Variants in TMCC1 observed in about 807,000 individuals in gnomAD.
TMCC1 encodes the protein transmembrane and coiled-coil domains protein 1.
In TMCC1, 15 loss-of-function variants were observed where a neutral mutation model predicts 52.4. The observed-to-expected ratio is 0.29, with a 90% confidence interval of 0.19 to 0.44. TMCC1 has a LOEUF of 0.44. TMCC1 is among the 20% of genes least tolerant of loss of function. TMCC1 has a pLI of 1.00. For synonymous variants in TMCC1, 279 were observed against 301.9 expected, an observed-to-expected ratio of 0.92 and a Z score of 0.79; for missense variants, 503 against 806.0, an observed-to-expected ratio of 0.62 and a Z score of 4.55.
chr3:129,783,127 C>T lies in TMCC1; in HGVS notation c.576+44676G>A, dbSNP rs917235495. Among the ~76,000 whole-genome samples the T allele has an allele frequency of 2.6e-5, 4 of 152,152 alleles. No homozygotes were observed. The East Asian group carries it at 7.7e-4, about 29-fold the overall frequency. On this transcript the variant is annotated intron_variant, in intron 4 of 6. Transcript: ENST00000393238. ...TTAGTTGGGTTAGGTATGTCAGACC[C>T]AGGGACAGCTCAAGTATTGTGTCAC...
intron 4 of TMCC1, chr3:129,688,269 A>G (rs1052220227): frequency 4.1e-6 from 4 of 985,188 alleles, no homozygotes; most frequent in Non-Finnish European, 3.6e-6. Context: ...ATGGTAAAAA[A>G]AAAAAAATCA....
intron 4 of TMCC1, among the ~76,000 whole-genome samples, chr3:129,742,733 TA>T (rs1274046298): frequency 6.6e-6 from 1 of 152,222 alleles, no homozygotes; most frequent in Admixed American, 6.5e-5. Context: ...GCGTTATTCA[TA>T]CTGTCCAAAA....
chr3:129,679,994 T>C (rs7639350), intron 4 of TMCC1, among the ~76,000 whole-genome samples: 14,079 of 152,186 alleles, frequency 0.093, 2,154 homozygotes, highest in African/African-American at 0.32. Context: ...CAGGATCTTA[T>C]TGCATCAGAG....
At chr3:129,709,419 T>C (rs988923556) in intron 4 of TMCC1, among the ~76,000 whole-genome samples, 1 of 132,884 alleles carries the variant, frequency 7.5e-6, no homozygotes, top group Non-Finnish European at 1.5e-5. Context: ...CAGGCTGTGG[T>C]GAGCTGAGAT....
At chr3:129,834,444 A>G (rs2059063857) in intron 2 of TMCC1, among the ~76,000 whole-genome samples, 1 of 152,188 alleles carries the variant, frequency 6.6e-6, no homozygotes, top group Non-Finnish European at 1.5e-5. Flanking sequence ...AACAACCCAC[A>G]AGACAAGGGG....
intron 4 of TMCC1, among the ~76,000 whole-genome samples, chr3:129,715,875 T>C (rs972032175): frequency 6.6e-6 from 1 of 152,206 alleles, no homozygotes; most frequent in African/African-American, 2.4e-5. Context: ...AAAGTGTTTC[T>C]GTAACTGAGT....
rs114044014 is a variant in TMCC1 at position 129,810,084 on chromosome 3, C to A, written c.576+17719G>T. ...CTATGAGCAAAAATCAGGCTGGATG[C>A]GGTAGCTCACACCTGTAATCCCAGC... On this transcript the variant is annotated intron_variant, in intron 4 of 6. Coordinates refer to ENST00000393238, the MANE Select transcript of TMCC1 (RefSeq NM_001017395.5). 6.0e-4 allele frequency among the ~76,000 whole-genome samples: 92 copies of A among 152,224 alleles called. No homozygotes were observed. In the East Asian group the frequency reaches 0.017, roughly 28 times the overall value.
chr3:129,791,502 C>G (rs2056462009), intron 4 of TMCC1, among the ~76,000 whole-genome samples: 1 of 152,152 alleles, frequency 6.6e-6, no homozygotes, highest in Non-Finnish European at 1.5e-5. Context: ...AATGACTTAA[C>G]TTCTCTGAAA....
chr3:129,840,724 G>A (rs866865611), intron 2 of TMCC1, among the ~76,000 whole-genome samples: 7 of 152,188 alleles, frequency 4.6e-5, no homozygotes, highest in Non-Finnish European at 8.8e-5. Context: ...CTGCTGCCAT[G>A]TAAGACATGC....
In TMCC1 at chr3:129,737,363, C is replaced by T. The variant is rs575224792; in HGVS notation, c.577-66099G>A. ...GGGCGTGGTGGCACACACCTGTAAT[C>T]GCAGCTACTCAGGAGACTGAAACAG... On this transcript the variant is annotated intron_variant, in intron 4 of 6. Coordinates refer to ENST00000393238, the MANE Select transcript of TMCC1 (RefSeq NM_001017395.5). Among the ~76,000 whole-genome samples, 87 of 152,170 alleles carry T rather than the reference C, an allele frequency of 5.7e-4. 1 individual carries two copies. Among genetic ancestry groups the T allele is most frequent in the African/African-American group, 1.2e-3 (49 of 41,520 alleles).
chr3:129,758,612 G>C (rs1432569756), intron 4 of TMCC1, among the ~76,000 whole-genome samples: 1 of 152,154 alleles, frequency 6.6e-6, no homozygotes, highest in Admixed American at 6.5e-5. Flanking sequence ...CATAAAGTTA[G>C]TTTCCAAATT....
chr3:129,701,680 A>C (rs2047848185), intron 4 of TMCC1, among the ~76,000 whole-genome samples: 1 of 152,240 alleles, frequency 6.6e-6, no homozygotes, highest in Non-Finnish European at 1.5e-5. Flanking sequence ...ACTGACCTTC[A>C]GACACTAAAT....
At position 129,889,165 on chromosome 3, in the gene TMCC1, C is replaced by T. The variant is rs192256870; in HGVS notation, c.-435+4329G>A. Among the ~76,000 whole-genome samples the T allele has an allele frequency of 1.6e-4, 25 of 152,058 alleles. No homozygotes were observed. In the East Asian group the frequency reaches 4.3e-3, roughly 26 times the overall value. On this transcript the variant is annotated intron_variant, in intron 1 of 6. Transcript: ENST00000393238. ...CACACATCTCTGGGCCCAGCTACTC[C>T]GGACATTGAGGTCAGAGGATCACTT...
intron 2 of TMCC1, among the ~76,000 whole-genome samples, chr3:129,851,986 C>A (rs188334904): frequency 5.6e-4 from 85 of 151,782 alleles, no homozygotes; most frequent in African/African-American, 2.0e-3. Context: ...CTTGTCTCCA[C>A]TAAAAATTCA....
intron 2 of TMCC1, among the ~76,000 whole-genome samples, chr3:129,844,932 C>G (rs1342358986): frequency 6.6e-6 from 1 of 152,116 alleles, no homozygotes; most frequent in Non-Finnish European, 1.5e-5. Flanking sequence ...GTCAGTATAT[C>G]TAGAGGACAA....
intron 2 of TMCC1, chr3:129,848,236 C>T (rs1190043940): frequency 6.6e-6 from 1 of 152,158 alleles, no homozygotes; most frequent in Non-Finnish European, 1.5e-5. Context: ...TTGCCTACCC[C>T]AAGGTCACTA....
intron 3 of TMCC1, among the ~76,000 whole-genome samples, chr3:129,831,023 C>A (rs2058884436): frequency 6.6e-6 from 1 of 152,138 alleles, no homozygotes; most frequent in Non-Finnish European, 1.5e-5. Context: ...CAGCCTCTGC[C>A]TCCTGGGTTC....
In TMCC1 at chr3:129,650,463, G is replaced by A. The variant is rs2086256000; in HGVS notation, c.*1018C>T. ...GTTTAAACTGCATCTCAAAACAAAG[G>A]CGGCAGAGGGCAGCATTTACAGCAA... On this transcript the variant is annotated 3_prime_UTR_variant, in exon 7 of 7. Transcript: ENST00000393238. 2 of 152,586 alleles carry A rather than the reference G, an allele frequency of 1.3e-5. No individual in the cohort carries two copies. Among genetic ancestry groups the A allele is most frequent in the East Asian group, 1.9e-4 (1 of 5,184 alleles). 9.5% of individuals were successfully genotyped at this position (152,586 alleles called of 1,614,324 possible). A position where few individuals can be genotyped will look rare whatever the true frequency, so the allele number is the denominator to read the frequency against.
At chr3:129,792,189 CAT>C (rs35333957) in intron 4 of TMCC1, among the ~76,000 whole-genome samples, 53 of 139,846 alleles carry the variant, frequency 3.8e-4, no homozygotes, top group Non-Finnish European at 6.1e-4. Flanking sequence ...TATATATATA[CAT>C]ATATATATAT....
Sources: gnomAD v4.1 joint callset for allele counts (sites outside exome capture counted in the v4.1 genomes callset) on GRCh38, gnomAD v4.1.1 for gene constraint, MANE v1.5 for transcripts, NCBI Gene and HGNC (gene_info 2026-07-23, HGNC 2026-07-21) for gene names.